The following ZEB2 variants were observed in gnomAD, a reference collection of about 807,000 sequenced individuals.
ZEB2 encodes zinc finger E-box-binding homeobox 2.
A neutral mutation model predicts 99.9 loss-of-function variants in ZEB2; 6 were observed. The ratio of observed to expected loss-of-function variants is 0.06; its 90% CI spans 0.03 to 0.12. The LOEUF (loss-of-function observed/expected upper bound fraction) is 0.12, where lower values mean the gene tolerates loss of function less well. ZEB2 is among the 10% of genes least tolerant of loss of function. ZEB2 has a pLI of 1.00. For missense variants in ZEB2, 969 were observed against 1,502.8 expected (o/e 0.64, Z 5.87); for synonymous variants, 517 against 542.5 (o/e 0.95, Z 0.65).
At chr2:144,396,299 G>T in intron 9 of ZEB2, 113 bp downstream of exon 9, 1 of 1,352,186 alleles carries the variant, frequency 7.4e-7, no homozygotes, top group Non-Finnish European at 1.1e-6. Context: ...TTTCTTCCTT[G>T]TTGAAGGTAT....
intron 2 of ZEB2, chr2:144,444,876 T>C (rs573934525): frequency 1.3e-5 from 2 of 152,206 alleles, no homozygotes; most frequent in Non-Finnish European, 2.9e-5. Flanking sequence ...AAGGTTTTGA[T>C]ACAAAGGTAG....
chr2:144,516,739 C>T (rs1705153041), intron 2 of ZEB2: 1 of 150,538 alleles, frequency 6.6e-6, no homozygotes, highest in South Asian at 2.1e-4. Flanking sequence ...GCCCGCGGAC[C>T]GTTACTTGGC....
chr2:144,478,093 C>T (rs980443146), intron 2 of ZEB2, among the ~76,000 whole-genome samples: 3 of 152,138 alleles, frequency 2.0e-5, no homozygotes, highest in African/African-American at 4.8e-5. Flanking sequence ...GACACATGTT[C>T]GGCTCACTCA....
chr2:144,396,973 T>C (rs1319842303), intron 8 of ZEB2, among the ~76,000 whole-genome samples: 1 of 152,208 alleles, frequency 6.6e-6, no homozygotes, highest in East Asian at 1.9e-4. Flanking sequence ...AAATGATCTG[T>C]AGCTGTAGAA....
intron 2 of ZEB2, among the ~76,000 whole-genome samples, chr2:144,456,597 T>A (rs1167505861): frequency 6.6e-6 from 1 of 152,050 alleles, no homozygotes; most frequent in Non-Finnish European, 1.5e-5. Context: ...GTAAAAAAAA[T>A]TATGTAAAAT....
intron 2 of ZEB2, among the ~76,000 whole-genome samples, chr2:144,492,136 T>A (rs1704689025): frequency 6.6e-6 from 1 of 152,144 alleles, no homozygotes; most frequent in Non-Finnish European, 1.5e-5. Context: ...AACACCAAAG[T>A]GCTTCACTAA....
intron 3 of ZEB2, chr2:144,427,387 A>G (rs1353597754): frequency 6.6e-6 from 1 of 152,222 alleles, no homozygotes; most frequent in Non-Finnish European, 1.5e-5. Flanking sequence ...CCTGCAGACA[A>G]ACTCCAGAAA....
intron 3 of ZEB2, among the ~76,000 whole-genome samples, chr2:144,425,803 T>C (rs935974996): frequency 6.6e-6 from 1 of 152,162 alleles, no homozygotes; most frequent in African/African-American, 2.4e-5. Context: ...ATTTTTACTA[T>C]GACAATACTA....
At position 144,384,479 on chromosome 2, in the gene ZEB2, T is replaced by C. The variant is rs1456742713; in HGVS notation, c.*4972A>G. ...ACCCAAAAAATTGGACACAGCCTACTAGCCCAAAAAGAACATGTTGCCAAT... is the reference window on the plus strand; with the variant it reads ...ACCCAAAAAATTGGACACAGCCTACCAGCCCAAAAAGAACATGTTGCCAAT... On this transcript the variant is annotated 3_prime_UTR_variant, in exon 10 of 10. Coordinates refer to ENST00000627532, the MANE Select transcript of ZEB2 (RefSeq NM_014795.4). 1.3e-5 allele frequency: 2 copies of C among 152,152 alleles called. No individual in the cohort carries two copies. The highest frequency in any genetic ancestry group is 2.9e-5 in the Non-Finnish European group (2 of 68,002). The allele number at this position is 152,152 out of a possible 1,614,324, so 9.4% of individuals were successfully genotyped here. A position where few individuals can be genotyped will look rare whatever the true frequency, so the allele number is the denominator to read the frequency against.
At chr2:144,405,349 C>A in intron 4 of ZEB2, 1 of 316,132 alleles carries the variant, frequency 3.2e-6, no homozygotes. Context: ...CAACTGCATT[C>A]TAAGATCCAT....
chr2:144,443,812 G>T (rs1703948602), intron 2 of ZEB2, among the ~76,000 whole-genome samples: 1 of 151,774 alleles, frequency 6.6e-6, no homozygotes, highest in East Asian at 1.9e-4. Flanking sequence ...ATTCAAGGTT[G>T]TTGTGCATTC....
At position 144,416,022 on chromosome 2, in the gene ZEB2, T is replaced by C. The variant is rs139869315; in HGVS notation, c.403+8774A>G. On this transcript the variant is annotated intron_variant, in intron 4 of 9. Coordinates refer to ENST00000627532, the MANE Select transcript of ZEB2 (RefSeq NM_014795.4). ...GAACCTGGCTTCACAGTGCTTAGGC[T>C]TTCTCTAATCCAGCAACATGGATGG... Among the ~76,000 whole-genome samples, 332 of 152,328 alleles carry C rather than the reference T, an allele frequency of 2.2e-3. 2 individuals are homozygous for C. Among genetic ancestry groups the C allele is most frequent in the African/African-American group, 7.2e-3 (301 of 41,578 alleles).
At chr2:144,401,743 A>G (rs1440875041) in intron 6 of ZEB2, among the ~76,000 whole-genome samples, 1 of 152,208 alleles carries the variant, frequency 6.6e-6, no homozygotes, top group African/African-American at 2.4e-5. Flanking sequence ...CACACAACAA[A>G]AGTTATCAAT....
At chr2:144,418,400 T>C (rs1277400031) in intron 4 of ZEB2, among the ~76,000 whole-genome samples, 1 of 152,186 alleles carries the variant, frequency 6.6e-6, no homozygotes, top group Non-Finnish European at 1.5e-5. Context: ...AAAAATAGTT[T>C]GAAGTTGGCC....
rs564390356 is a variant in ZEB2 at position 144,424,115 on chromosome 2, A to G, written c.403+681T>C. On this transcript the variant is annotated intron_variant, in intron 4 of 9. Coordinates refer to ENST00000627532, the MANE Select transcript of ZEB2 (RefSeq NM_014795.4). ...AGAAGATGCCATTCAGTGTTTGGGAAAAAACATGGAATATCACAGTTGTCC... is the reference window on the plus strand; with the variant it reads ...AGAAGATGCCATTCAGTGTTTGGGAGAAAACATGGAATATCACAGTTGTCC... 5.9e-5 allele frequency among the ~76,000 whole-genome samples: 9 copies of G among 152,328 alleles called. No individual in the cohort carries two copies. In the East Asian group the frequency reaches 1.2e-3, roughly 20 times the overall value.
chr2:144,498,099 T>A (rs368801539), intron 2 of ZEB2, among the ~76,000 whole-genome samples: 14 of 60,424 alleles, frequency 2.3e-4, no homozygotes, highest in Admixed American at 4.6e-4. Context: ...TATATTAATA[T>A]TATATATTAT....
intron 2 of ZEB2, among the ~76,000 whole-genome samples, chr2:144,510,713 TC>T (rs371736385): frequency 3.3e-5 from 5 of 152,034 alleles, no homozygotes; most frequent in South Asian, 2.1e-4. Context: ...TCTCTCTCTC[TC>T]TCTTTCTCTC....
At chr2:144,514,082 A>C in intron 2 of ZEB2, 1 of 436,930 alleles carries the variant, frequency 2.3e-6, no homozygotes, top group Non-Finnish European at 3.9e-6. Context: ...GCTATGGGTT[A>C]ACTTGGCCCT....
chr2:144,454,347 A>G (rs1347852528), intron 2 of ZEB2, among the ~76,000 whole-genome samples: 4 of 152,222 alleles, frequency 2.6e-5, no homozygotes, highest in African/African-American at 7.2e-5. Flanking sequence ...GAGCAATTAC[A>G]AACTATAAAC....
Sources: gnomAD v4.1 joint callset for allele counts (sites outside exome capture counted in the v4.1 genomes callset) on GRCh38, gnomAD v4.1.1 for gene constraint, MANE v1.5 for transcripts, NCBI Gene and HGNC (gene_info 2026-07-23, HGNC 2026-07-21) for gene names.